The following PTPRO variants were observed in gnomAD, a reference collection of about 807,000 sequenced individuals.
The protein encoded by PTPRO is receptor-type tyrosine-protein phosphatase O.
Under a neutral mutation model 145.2 loss-of-function variants are expected in PTPRO, and 62 were observed. The ratio of observed to expected loss-of-function variants is 0.43; its 90% CI spans 0.35 to 0.53. The LOEUF is 0.53. PTPRO is among the 20% of genes least tolerant of loss of function. The probability of loss-of-function intolerance (pLI) is 0.01; values close to 1 mark genes in which losing one functional copy is unlikely to be tolerated. For synonymous variants in PTPRO, 565 were observed against 514.7 expected, an observed-to-expected ratio of 1.10 and a Z score of -1.32; for missense variants, 1,345 against 1,482.7, an observed-to-expected ratio of 0.91 and a Z score of 1.53.
At chr12:15,483,501 C>G (rs1326555089) in intron 1 of PTPRO, among the ~76,000 whole-genome samples, 1 of 152,086 alleles carries the variant, frequency 6.6e-6, no homozygotes, top group Non-Finnish European at 1.5e-5. Flanking sequence ...TCAGAGCTAG[C>G]AGATGAGAGG....
chr12:15,455,169 C>A (rs1379278441), intron 1 of PTPRO, among the ~76,000 whole-genome samples: 2 of 152,076 alleles, frequency 1.3e-5, no homozygotes, highest in African/African-American at 4.8e-5. Context: ...TTCTCTGTAG[C>A]CTGGAATGCT....
In PTPRO at chr12:15,502,379, T is replaced by G. The variant is rs111438341; in HGVS notation, c.1105+316T>G. 1.3e-3 allele frequency among the ~76,000 whole-genome samples: 195 copies of G among 152,324 alleles called. 3 individuals are homozygous for G. The highest frequency in any genetic ancestry group is 4.5e-3 in the African/African-American group (188 of 41,578). On this transcript the variant is annotated intron_variant, in intron 5 of 26. Coordinates refer to ENST00000281171, the MANE Select transcript of PTPRO (RefSeq NM_030667.3). ...ACATCATATTTGGAAATATTTTGAATTAAAGATCTAACTATCCCAGAATGT... is the reference window on the plus strand; with the variant it reads ...ACATCATATTTGGAAATATTTTGAAGTAAAGATCTAACTATCCCAGAATGT...
intron 1 of PTPRO, among the ~76,000 whole-genome samples, chr12:15,356,638 G>A (rs1937997926): frequency 1.3e-5 from 2 of 152,184 alleles, no homozygotes; most frequent in Non-Finnish European, 2.9e-5. Flanking sequence ...TAGTATAGCA[G>A]AATGTTCATT....
intron 1 of PTPRO, among the ~76,000 whole-genome samples, chr12:15,394,335 A>G (rs1256993284): frequency 6.6e-6 from 1 of 152,034 alleles, no homozygotes; most frequent in Non-Finnish European, 1.5e-5. Context: ...TCATCTGTGT[A>G]AGAGTAATCT....
intron 1 of PTPRO, among the ~76,000 whole-genome samples, chr12:15,452,859 A>G (rs1332111568): frequency 1.3e-5 from 2 of 152,138 alleles, no homozygotes; most frequent in Non-Finnish European, 2.9e-5. Flanking sequence ...AGGAAACATA[A>G]TAGGTGCAAC....
At chr12:15,380,993 G>C (rs1938844404) in intron 1 of PTPRO, among the ~76,000 whole-genome samples, 1 of 152,066 alleles carries the variant, frequency 6.6e-6, no homozygotes, top group African/African-American at 2.4e-5. Flanking sequence ...TTGTAGTTTT[G>C]AAGACATAGC....
At chr12:15,423,733 T>A (rs192061706) in intron 1 of PTPRO, among the ~76,000 whole-genome samples, 3 of 152,326 alleles carry the variant, frequency 2.0e-5, no homozygotes, top group Admixed American at 6.5e-5. Context: ...TCTTTCAACA[T>A]GATGCTGAGA....
intron 1 of PTPRO, among the ~76,000 whole-genome samples, chr12:15,398,481 CAAA>C (rs565625161): frequency 8.7e-6 from 1 of 114,592 alleles, no homozygotes. Flanking sequence ...ATACTTTTTC[CAAA>C]AAAAAAAAAA....
intron 1 of PTPRO, among the ~76,000 whole-genome samples, chr12:15,327,501 GTT>G (rs1226612186): frequency 6.6e-6 from 1 of 152,090 alleles, no homozygotes; most frequent in East Asian, 1.9e-4. Context: ...TCCTCCTAAT[GTT>G]TTGTCAGACA....
chr12:15,495,986 C>T (rs1315134915), intron 2 of PTPRO, among the ~76,000 whole-genome samples: 1 of 151,820 alleles, frequency 6.6e-6, no homozygotes, highest in African/African-American at 2.4e-5. Flanking sequence ...CATTTAATTC[C>T]CTCTAGTCAC....
chr12:15,593,350 A>G (rs1429534254), intron 25 of PTPRO, among the ~76,000 whole-genome samples: 1 of 152,208 alleles, frequency 6.6e-6, no homozygotes, highest in Non-Finnish European at 1.5e-5. Context: ...TGTTATTTCT[A>G]GTGCTATTAC....
rs559240133 is a variant in PTPRO, at chr12:15,598,316, C to A, written c.*2243C>A. 8.9e-4 allele frequency among the ~76,000 whole-genome samples: 136 copies of A among 152,306 alleles called. No homozygotes were observed. Among genetic ancestry groups the A allele is most frequent in the African/African-American group, 3.2e-3 (133 of 41,568 alleles). On this transcript the variant is annotated 3_prime_UTR_variant, in exon 27 of 27. Coordinates refer to ENST00000281171, the MANE Select transcript of PTPRO (RefSeq NM_030667.3). ...TCTCTCCTGGGTCTCAGTTAATAAA[C>A]TGAAGAATGACCTAATCATAACTCC...
At chr12:15,347,307 CT>C (rs1244827044) in intron 1 of PTPRO, among the ~76,000 whole-genome samples, 1 of 152,168 alleles carries the variant, frequency 6.6e-6, no homozygotes, top group Non-Finnish European at 1.5e-5. Context: ...TCTTTTCCTT[CT>C]TAATACATCA....
At chr12:15,439,978 C>T (rs1037279457) in intron 1 of PTPRO, 11 of 684,436 alleles carry the variant, frequency 1.6e-5, no homozygotes, top group South Asian at 6.1e-5. Flanking sequence ...CTGCCATCTG[C>T]GGGGCCATCA....
intron 12 of PTPRO, among the ~76,000 whole-genome samples, chr12:15,532,450 T>C (rs186359950): frequency 6.6e-6 from 1 of 152,298 alleles, no homozygotes; most frequent in Admixed American, 6.5e-5. Flanking sequence ...GGACAATTTG[T>C]CTTTTGGTGT....
At chr12:15,579,399 C>A (rs1321937136) in intron 20 of PTPRO, among the ~76,000 whole-genome samples, 1 of 152,186 alleles carries the variant, frequency 6.6e-6, no homozygotes, top group Non-Finnish European at 1.5e-5. Flanking sequence ...ATATAAAGCA[C>A]TTACAAAACA....
chr12:15,337,328 A>T (rs1174255043), intron 1 of PTPRO: 1 of 152,174 alleles, frequency 6.6e-6, no homozygotes, highest in Non-Finnish European at 1.5e-5. Context: ...GATACTTGGG[A>T]TCCTTATGTA....
rs555354633 is a variant in PTPRO at position 15,514,684 on chromosome 12, C to G, written c.1465-814C>G. 2.0e-5 allele frequency among the ~76,000 whole-genome samples: 3 copies of G among 152,064 alleles called. No individual in the cohort carries two copies. In the East Asian group the frequency reaches 5.8e-4, roughly 29 times the overall value. On this transcript the variant is annotated intron_variant, in intron 7 of 26. Coordinates refer to ENST00000281171, the MANE Select transcript of PTPRO (RefSeq NM_030667.3). ...TGACCTTGGCCATTCTCTGGCTTTACTTTATTTATTAAATGAGCACTTTGG... is the reference window on the plus strand; with the variant it reads ...TGACCTTGGCCATTCTCTGGCTTTAGTTTATTTATTAAATGAGCACTTTGG...
intron 16 of PTPRO, among the ~76,000 whole-genome samples, chr12:15,559,558 A>T (rs1943720960): frequency 6.6e-6 from 1 of 152,204 alleles, no homozygotes; most frequent in Non-Finnish European, 1.5e-5. Flanking sequence ...CAGTGAGGTC[A>T]CAGACTAAGT....
Sources: allele counts gnomAD v4.1 joint callset (sites outside exome capture counted in the v4.1 genomes callset), GRCh38; gene constraint gnomAD v4.1.1; transcripts MANE v1.5; gene names NCBI Gene and HGNC (gene_info 2026-07-23, HGNC 2026-07-21).